KLF8: variants seen among roughly 807,000 people sequenced by gnomAD.
KLF8 encodes the protein KLF transcription factor 8.
In KLF8, 10 loss-of-function variants were observed where a neutral mutation model predicts 18.2. The ratio of observed to expected loss-of-function variants is 0.55; its 90% CI spans 0.34 to 0.93. The LOEUF is 0.93. Among genes scored for constraint, KLF8 ranks in the 40% least tolerant of loss-of-function variants. The pLI is 0.02. For missense variants in KLF8, 264 were observed against 277.9 expected (o/e 0.95, Z 0.36); for synonymous variants, 109 against 97.3 (o/e 1.12, Z -0.71).
At chrX:56,072,722 G>A in the KLF8 span, among the ~76,000 whole-genome samples, 2 of 111,180 alleles carry the variant, frequency 1.8e-5, no homozygotes, top group Non-Finnish European at 3.8e-5. Context: ...CAAAATTTTG[G>A]CATTTTAACC....
At chrX:56,013,660 A>G in the KLF8 span, among the ~76,000 whole-genome samples, 1 of 110,910 alleles carries the variant, frequency 9.0e-6, no homozygotes, top group East Asian at 2.8e-4. Flanking sequence ...ATAGTGAGTT[A>G]GTGCTCATGA....
At chrX:56,206,888 A>G in the KLF8 span, among the ~76,000 whole-genome samples, 2 of 112,705 alleles carry the variant, frequency 1.8e-5, no homozygotes, top group Non-Finnish European at 1.9e-5. Context: ...TTCTGCCTGG[A>G]CATCCAAGCA....
the KLF8 span, among the ~76,000 whole-genome samples, chrX:56,113,771 A>T: frequency 1.8e-5 from 2 of 110,291 alleles, no homozygotes; most frequent in African/African-American, 6.6e-5. Context: ...CTGTAGATAT[A>T]TGTCAGGTCC....
the KLF8 span, among the ~76,000 whole-genome samples, chrX:56,183,175 G>A: frequency 8.9e-6 from 1 of 111,825 alleles, no homozygotes; most frequent in Non-Finnish European, 1.9e-5. Flanking sequence ...AATGGCAGAC[G>A]CCCCTAACCC....
At chrX:56,058,289 T>TAC in the KLF8 span, among the ~76,000 whole-genome samples, 27 of 25,251 alleles carry the variant, frequency 1.1e-3, no homozygotes, top group African/African-American at 1.9e-3. Flanking sequence ...CATATATATA[T>TAC]ATATATATAT....
At chrX:56,080,383 G>A in the KLF8 span, among the ~76,000 whole-genome samples, 15 of 110,836 alleles carry the variant, frequency 1.4e-4, no homozygotes, top group South Asian at 5.4e-3. Flanking sequence ...GTCTGTAAAG[G>A]ATTTTATTTC....
At chrX:56,045,745 A>G in the KLF8 span, among the ~76,000 whole-genome samples, 2 of 111,472 alleles carry the variant, frequency 1.8e-5, no homozygotes, top group Admixed American at 1.9e-4. Flanking sequence ...TGATTTGTGT[A>G]CATTAAATTT....
chrX:56,283,448 T>G (rs759305205), intron 5 of KLF8, among the ~76,000 whole-genome samples: 43 of 112,044 alleles, frequency 3.8e-4, no homozygotes, highest in Non-Finnish European at 7.1e-4. Flanking sequence ...CTCGGCTCAC[T>G]GCAAGCTCCG....
the KLF8 span, among the ~76,000 whole-genome samples, chrX:56,117,396 T>C: frequency 9.0e-6 from 1 of 111,279 alleles, no homozygotes; most frequent in Admixed American, 9.6e-5. Context: ...AAAATTGAGG[T>C]TTTGTATTCA....
the KLF8 span, among the ~76,000 whole-genome samples, chrX:56,186,152 A>T: frequency 8.9e-6 from 1 of 112,148 alleles, no homozygotes; most frequent in Non-Finnish European, 1.9e-5. Context: ...AGAGACACAC[A>T]TAGGCTCAAA....
intron 5 of KLF8, among the ~76,000 whole-genome samples, chrX:56,282,058 A>G (rs187507195): frequency 4.9e-4 from 55 of 112,835 alleles, no homozygotes; most frequent in African/African-American, 1.8e-3. Flanking sequence ...AGAGATCACA[A>G]CAAAATGTAT....
chrX:56,277,610 T>C (rs2067139739), intron 5 of KLF8, among the ~76,000 whole-genome samples: 1 of 112,272 alleles, frequency 8.9e-6, no homozygotes, highest in Non-Finnish European at 1.9e-5. Flanking sequence ...CTTAAACTAA[T>C]ACAGCACTGG....
At chrX:56,014,368 A>G in the KLF8 span, among the ~76,000 whole-genome samples, 1 of 112,704 alleles carries the variant, frequency 8.9e-6, no homozygotes, top group South Asian at 3.7e-4. Flanking sequence ...CAACAAACAT[A>G]TGGAAACAAG....
the KLF8 span, among the ~76,000 whole-genome samples, chrX:56,202,227 T>A: frequency 9.0e-6 from 1 of 110,631 alleles, no homozygotes. Flanking sequence ...ATTGCATGAC[T>A]AAGTCTTTTG....
the KLF8 span, among the ~76,000 whole-genome samples, chrX:56,133,602 A>T: frequency 1.8e-5 from 2 of 111,570 alleles, no homozygotes; most frequent in Non-Finnish European, 3.8e-5. Flanking sequence ...TGAGAACTAG[A>T]AGAAGACAAG....
At chrX:55,987,192 TC>T in the KLF8 span, among the ~76,000 whole-genome samples, 14 of 109,200 alleles carry the variant, frequency 1.3e-4, no homozygotes, top group African/African-American at 3.6e-4. Context: ...TTTTTTTTTT[TC>T]ATTTTAATTT....
At chrX:56,094,703 C>T in the KLF8 span, among the ~76,000 whole-genome samples, 1 of 111,034 alleles carries the variant, frequency 9.0e-6, no homozygotes. Flanking sequence ...CAATCTGGGC[C>T]ATAAAGTACA....
Position 56,284,504 on chromosome X carries a change from G to A in KLF8, c.*10G>A. On this transcript the variant is annotated 3_prime_UTR_variant, in exon 6 of 6. Coordinates refer to ENST00000468660, the MANE Select transcript of KLF8 (RefSeq NM_007250.5). Reference sequence around the variant, plus strand: ...CCATGACACCATGTGAGCCGCACAGGTCACACTAGAGAAGCTGCGCTGGTA... The same window carrying A: ...CCATGACACCATGTGAGCCGCACAGATCACACTAGAGAAGCTGCGCTGGTA... 1 of 1,150,755 alleles carries A rather than the reference G, an allele frequency of 8.7e-7. No homozygotes were observed. The highest frequency in any genetic ancestry group is 1.2e-6 in the Non-Finnish European group (1 of 863,148). 94.8% of individuals were successfully genotyped at this position (1,150,755 alleles called of 1,213,427 possible). A position where few individuals can be genotyped will look rare whatever the true frequency, so the allele number is the denominator to read the frequency against.
chrX:55,984,008 GAT>G, the KLF8 span, among the ~76,000 whole-genome samples: 9 of 106,183 alleles, frequency 8.5e-5, no homozygotes, highest in Admixed American at 1.0e-4. Context: ...TATATATAAT[GAT>G]ATATATATAT....
Sources: allele counts gnomAD v4.1 joint callset (sites outside exome capture counted in the v4.1 genomes callset), GRCh38; gene constraint gnomAD v4.1.1; transcripts MANE v1.5; gene names NCBI Gene and HGNC (gene_info 2026-07-23, HGNC 2026-07-21).